Variants in ACER3 observed in about 807,000 individuals in gnomAD.
The protein encoded by ACER3 is alkCDase 3.
Under a neutral mutation model 48.9 loss-of-function variants are expected in ACER3, and 16 were observed. The ratio of observed to expected loss-of-function variants is 0.33; its 90% confidence interval spans 0.22 to 0.50. The LOEUF (loss-of-function observed/expected upper bound fraction) is 0.50. ACER3 is among the 20% of genes least tolerant of loss of function. The pLI is 0.98. For missense variants in ACER3, 227 were observed against 326.0 expected (o/e 0.70, Z 2.34); for synonymous variants, 109 against 107.8 (o/e 1.01, Z -0.07).
At chr11:76,875,314 A>G (rs983792593) in intron 1 of ACER3, among the ~76,000 whole-genome samples, 1 of 151,664 alleles carries the variant, frequency 6.6e-6, no homozygotes, top group South Asian at 2.1e-4. Context: ...GGGTTTCACT[A>G]TGTTGGCCAG....
At chr11:76,897,700 ATTTG>A (rs1945968963) in intron 1 of ACER3, among the ~76,000 whole-genome samples, 2 of 152,014 alleles carry the variant, frequency 1.3e-5, no homozygotes, top group African/African-American at 4.8e-5. Flanking sequence ...AAATACACTT[ATTTG>A]TTCTTTTTTT....
chr11:76,896,097 A>G (rs2134643960), intron 1 of ACER3, among the ~76,000 whole-genome samples: 1 of 152,314 alleles, frequency 6.6e-6, no homozygotes, highest in South Asian at 2.1e-4. Context: ...ACCATTTTGG[A>G]ACACCTAATT....
In ACER3 at chr11:76,861,086, G is replaced by C. The variant is rs200466301; in HGVS notation, c.103+7G>C. The C allele has an allele frequency of 6.2e-5, 96 of 1,538,954 alleles. No homozygotes were observed. The highest frequency in any genetic ancestry group is 7.9e-5 in the Non-Finnish European group (90 of 1,141,154). On this transcript the variant is annotated splice_region_variant and intron_variant, in intron 1 of 10. Coordinates refer to ENST00000532485, the MANE Select transcript of ACER3 (RefSeq NM_018367.7). ...TGGTACATCGCCGAGTTCTGTGAGT[G>C]TGGCCTGAGGAGGGGAGTGGGGGCG...
At chr11:76,912,008 A>G (rs1314468784) in intron 1 of ACER3, among the ~76,000 whole-genome samples, 1 of 152,222 alleles carries the variant, frequency 6.6e-6, no homozygotes, top group Non-Finnish European at 1.5e-5. Flanking sequence ...GTATGAACAA[A>G]TAAATATTTT....
intron 2 of ACER3, among the ~76,000 whole-genome samples, chr11:76,936,578 AC>A (rs1313043444): frequency 6.6e-6 from 1 of 152,154 alleles, no homozygotes; most frequent in Non-Finnish European, 1.5e-5. Flanking sequence ...TATAACATTT[AC>A]GTTGTATTAA....
At chr11:76,908,333 G>A (rs1175961313) in intron 1 of ACER3, among the ~76,000 whole-genome samples, 2 of 152,146 alleles carry the variant, frequency 1.3e-5, no homozygotes, top group Non-Finnish European at 2.9e-5. Flanking sequence ...ATAATAATAT[G>A]ATTGTATATT....
At chr11:76,921,554 C>T (rs1484470953) in intron 1 of ACER3, among the ~76,000 whole-genome samples, 1 of 152,108 alleles carries the variant, frequency 6.6e-6, no homozygotes, top group African/African-American at 2.4e-5. Context: ...TTCTTATAAT[C>T]TTACCTGTTC....
rs782588830 is a variant in ACER3, at chr11:77,015,009, C to G, written c.498-7C>G. On this transcript the variant is annotated splice_polypyrimidine_tract_variant and splice_region_variant and intron_variant, in intron 7 of 10. Coordinates refer to ENST00000532485, the MANE Select transcript of ACER3 (RefSeq NM_018367.7). ...TTTATTTTGCTTTTCTGTTTTCCCC[C>G]CCACAGGGTTTATCCATGGCTTAGA... 5 of 1,531,358 alleles carry G rather than the reference C, an allele frequency of 3.3e-6. No individual in the cohort carries two copies. Among genetic ancestry groups the G allele is most frequent in the African/African-American group, 2.7e-5 (2 of 72,988 alleles). 94.9% of individuals were successfully genotyped at this position (1,531,358 alleles called of 1,614,324 possible).
At chr11:76,895,848 T>C (rs1175854086) in intron 1 of ACER3, among the ~76,000 whole-genome samples, 2 of 152,222 alleles carry the variant, frequency 1.3e-5, no homozygotes, top group Non-Finnish European at 2.9e-5. Context: ...TGTTGCTTAA[T>C]AGACAATTTT....
chr11:77,017,424 T>C (rs1321311183), intron 9 of ACER3, among the ~76,000 whole-genome samples: 2 of 151,916 alleles, frequency 1.3e-5, no homozygotes, highest in Admixed American at 1.3e-4. Context: ...TGTGAAGAAA[T>C]AGAACAGACC....
At chr11:76,991,815 CAAAAAA>C (rs5792751) in intron 6 of ACER3, among the ~76,000 whole-genome samples, 3 of 123,270 alleles carry the variant, frequency 2.4e-5, no homozygotes, top group Admixed American at 8.6e-5. Flanking sequence ...AACTCTGTCT[CAAAAAA>C]AAAAAAAAAA....
At chr11:76,909,935 C>T (rs1185475863) in intron 1 of ACER3, among the ~76,000 whole-genome samples, 2 of 152,132 alleles carry the variant, frequency 1.3e-5, no homozygotes, top group African/African-American at 4.8e-5. Flanking sequence ...GAATACTATG[C>T]AGCCATAAAA....
rs147694744 is a variant in ACER3, at chr11:76,973,236, C to T, written c.268-3053C>T. Among the ~76,000 whole-genome samples, 145 of 152,326 alleles carry T rather than the reference C, an allele frequency of 9.5e-4. 1 individual carries two copies. Among genetic ancestry groups the T allele is most frequent in the Admixed American group, 1.8e-3 (27 of 15,310 alleles). ...CATTCTGGACTTCTGACCTCCACAACTGTCATCAGCTTGTGCCGTTTTGAG... is the reference window on the plus strand; with the variant it reads ...CATTCTGGACTTCTGACCTCCACAATTGTCATCAGCTTGTGCCGTTTTGAG... On this transcript the variant is annotated intron_variant, in intron 3 of 10. Transcript: ENST00000532485.
chr11:76,889,351 T>G (rs1351921527), intron 1 of ACER3, among the ~76,000 whole-genome samples: 1 of 152,184 alleles, frequency 6.6e-6, no homozygotes, highest in Admixed American at 6.5e-5. Flanking sequence ...AAATATTATG[T>G]GTTAAATTTT....
intron 2 of ACER3, among the ~76,000 whole-genome samples, chr11:76,948,770 A>G (rs1427871402): frequency 1.3e-5 from 2 of 152,202 alleles, no homozygotes; most frequent in African/African-American, 4.8e-5. Flanking sequence ...TGTCATGGCA[A>G]ATAAGCTAAC....
chr11:76,929,875 AT>A (rs1380792236), intron 2 of ACER3, among the ~76,000 whole-genome samples: 5 of 152,146 alleles, frequency 3.3e-5, no homozygotes, highest in African/African-American at 1.2e-4. Context: ...GTTTGCCAGT[AT>A]TTTATTGAGG....
At chr11:77,008,555 T>A (rs1555021498) in intron 7 of ACER3, among the ~76,000 whole-genome samples, 2 of 152,232 alleles carry the variant, frequency 1.3e-5, no homozygotes. Flanking sequence ...GACTGTGAGC[T>A]TCTTAAAGTC....
chr11:76,874,403 T>TA (rs11426478), intron 1 of ACER3, among the ~76,000 whole-genome samples: 48,583 of 148,286 alleles, frequency 0.33, 11,117 homozygotes, highest in African/African-American at 0.66. Flanking sequence ...AAAAATAAGT[T>TA]AAAAAAAAAA....
intron 1 of ACER3, among the ~76,000 whole-genome samples, chr11:76,869,929 G>A (rs953176140): frequency 2.6e-5 from 4 of 152,122 alleles, no homozygotes; most frequent in South Asian, 2.1e-4. Context: ...TGGCGTGATC[G>A]TGGCTGACTG....
Sources: allele counts gnomAD v4.1 joint callset (sites outside exome capture counted in the v4.1 genomes callset), GRCh38; gene constraint gnomAD v4.1.1; transcripts MANE v1.5; gene names NCBI Gene and HGNC (gene_info 2026-07-23, HGNC 2026-07-21).